Variants in DOCK3 observed in about 807,000 individuals in gnomAD.
The protein encoded by DOCK3 is dedicator of cytokinesis protein 3.
DOCK3 carries 60 observed loss-of-function variants against 265.6 expected under a neutral mutation model. That is an observed-to-expected ratio of 0.23 (90% CI 0.18 to 0.28). DOCK3 has a LOEUF of 0.28. DOCK3 is among the 10% of genes least tolerant of loss of function. The pLI, the probability that DOCK3 is intolerant of heterozygous loss-of-function variation, is 1.00. For synonymous variants in DOCK3, 881 were observed against 938.0 expected (o/e 0.94, Z 1.11); for missense variants, 1,981 against 2,594.3 (o/e 0.76, Z 5.14).
chr3:51,312,766 C>T, intron 30 of DOCK3, 78 bp from the exon 31 acceptor site: 1 of 1,454,410 alleles, frequency 6.9e-7, no homozygotes, highest in African/African-American at 1.4e-5. Flanking sequence ...GTGCTGAAGT[C>T]CTGGCCTCAT....
At chr3:50,681,715 C>G (rs1485202497) in intron 1 of DOCK3, among the ~76,000 whole-genome samples, 1 of 152,188 alleles carries the variant, frequency 6.6e-6, no homozygotes, top group East Asian at 1.9e-4. Flanking sequence ...TCAGAAGCTT[C>G]CCATTTTCCT....
Position 51,228,695 on chromosome 3 carries a change from T to G in DOCK3, c.1682T>G (p.Leu561Arg). The G allele has an allele frequency of 6.2e-7, 1 of 1,613,974 alleles. No homozygotes were observed. Among genetic ancestry groups the G allele is most frequent in the South Asian group, 1.1e-5 (1 of 91,066 alleles). Residue 561 changes from leucine (L) to arginine (R), a missense_variant, in exon 18 of 53, where the codon CTG becomes CGG. Transcript: ENST00000266037. ...AATAGCACGTTTAATAACCATGCTC[T>G]GTACCTGGGCCTGCCCTGCTGCAAA... ...DENSTFNNHA[L>R]YLGLPCCKED...
chr3:51,084,185 G>A (rs1560038421), intron 7 of DOCK3, among the ~76,000 whole-genome samples: 1 of 151,988 alleles, frequency 6.6e-6, no homozygotes, highest in Non-Finnish European at 1.5e-5. Flanking sequence ...GATAATAGCT[G>A]AAAACTTCAC....
At chr3:51,278,494 C>T (rs1412603368) in intron 26 of DOCK3, 46 of 985,248 alleles carry the variant, frequency 4.7e-5, no homozygotes, top group Non-Finnish European at 5.5e-5. Flanking sequence ...CAAGCTACAG[C>T]GTGCTAGGGA....
intron 32 of DOCK3, among the ~76,000 whole-genome samples, chr3:51,323,088 A>G (rs543561888): frequency 6.6e-6 from 1 of 152,348 alleles, no homozygotes; most frequent in Non-Finnish European, 1.5e-5. Flanking sequence ...CAATGCAACA[A>G]GAAGCACTAA....
intron 5 of DOCK3, among the ~76,000 whole-genome samples, chr3:51,042,824 G>A (rs1335368190): frequency 1.3e-5 from 2 of 152,138 alleles, no homozygotes; most frequent in East Asian, 3.9e-4. Context: ...GCCAAATCAT[G>A]AACAAACTCT....
At chr3:50,933,872 A>T in intron 4 of DOCK3, 109 bp from the exon 5 acceptor site, 2 of 643,504 alleles carry the variant, frequency 3.1e-6, no homozygotes, top group African/African-American at 1.8e-5. Flanking sequence ...CTTCTTTTTT[A>T]TTTGCATAAA....
At chr3:50,994,251 T>C (rs139007729) in intron 5 of DOCK3, among the ~76,000 whole-genome samples, 1 of 152,220 alleles carries the variant, frequency 6.6e-6, no homozygotes, top group South Asian at 2.1e-4. Context: ...GTCAAAATTA[T>C]AAAATATTTC....
chr3:51,267,110 A>T (rs192385041), intron 23 of DOCK3, among the ~76,000 whole-genome samples: 1 of 152,188 alleles, frequency 6.6e-6, no homozygotes, highest in African/African-American at 2.4e-5. Flanking sequence ...AATCAAAACC[A>T]CAATGAGATA....
chr3:51,290,234 A>G (rs1275026147), intron 27 of DOCK3, among the ~76,000 whole-genome samples: 3 of 152,218 alleles, frequency 2.0e-5, no homozygotes, highest in African/African-American at 7.2e-5. Context: ...GCACATGCAC[A>G]TGTATGTTTA....
At chr3:50,895,970 G>A (rs1221760940) in intron 4 of DOCK3, among the ~76,000 whole-genome samples, 1 of 152,126 alleles carries the variant, frequency 6.6e-6, no homozygotes, top group Non-Finnish European at 1.5e-5. Flanking sequence ...GAACAGTGCT[G>A]CAATAAACAT....
At chr3:50,685,633 G>A (rs1247998939) in intron 1 of DOCK3, 1 of 174,276 alleles carries the variant, frequency 5.7e-6, no homozygotes, top group Non-Finnish European at 1.3e-5. Flanking sequence ...GGCATGTTAA[G>A]TCACCACTCT....
intron 9 of DOCK3, among the ~76,000 whole-genome samples, chr3:51,092,968 T>G (rs1176241443): frequency 1.3e-5 from 2 of 152,208 alleles, no homozygotes; most frequent in Non-Finnish European, 2.9e-5. Flanking sequence ...GTGTTAAGTT[T>G]GTCAAAGATC....
chr3:51,222,940 T>A (rs1428456062), intron 14 of DOCK3, among the ~76,000 whole-genome samples: 1 of 152,174 alleles, frequency 6.6e-6, no homozygotes, highest in Non-Finnish European at 1.5e-5. Flanking sequence ...TTTATTTATC[T>A]GTTTATTTAT....
At chr3:50,683,524 G>C (rs998460024) in intron 1 of DOCK3, among the ~76,000 whole-genome samples, 1 of 152,164 alleles carries the variant, frequency 6.6e-6, no homozygotes, top group African/African-American at 2.4e-5. Context: ...TTTGAATGCA[G>C]ATTATCTGTA....
At chr3:51,262,390 C>G (rs972588281) in intron 23 of DOCK3, among the ~76,000 whole-genome samples, 1 of 152,152 alleles carries the variant, frequency 6.6e-6, no homozygotes, top group Non-Finnish European at 1.5e-5. Context: ...AAAGGACATC[C>G]ACACAGAAAC....
In DOCK3 at chr3:51,251,627, A is replaced by G. The variant is rs185433366; in HGVS notation, c.2184+4820A>G. ...TGCATTTCTCTAATGACCCGTGATG[A>G]TGAGCTTTTTTTCATATGTTGGTTG... On this transcript the variant is annotated intron_variant, in intron 22 of 52. Coordinates refer to ENST00000266037, the MANE Select transcript of DOCK3 (RefSeq NM_004947.5). Among the ~76,000 whole-genome samples the G allele has an allele frequency of 1.2e-3, 180 of 152,288 alleles. 1 individual carries two copies. Among genetic ancestry groups the G allele is most frequent in the African/African-American group, 4.1e-3 (171 of 41,560 alleles).
At chr3:51,160,842 C>T in intron 12 of DOCK3, 140 bp downstream of exon 12, 1 of 1,013,974 alleles carries the variant, frequency 9.9e-7, no homozygotes, top group Non-Finnish European at 1.4e-6. Flanking sequence ...TTTGGGAGGC[C>T]AAGGTGGGCA....
rs183777892 is a variant in DOCK3, at chr3:50,985,286, A to G, written c.315+51209A>G. Among the ~76,000 whole-genome samples the G allele has an allele frequency of 1.2e-4, 18 of 152,326 alleles. No individual in the cohort carries two copies. The East Asian group carries it at 3.5e-3, about 29-fold the overall frequency. On this transcript the variant is annotated intron_variant, in intron 5 of 52. Coordinates refer to ENST00000266037, the MANE Select transcript of DOCK3 (RefSeq NM_004947.5). The stretch of plus-strand genomic sequence containing the variant: ...TTACTATTAAAAGCCTACAGTGAAA[A>G]TGTGTATACAAATTTTCTGCTGTAT...
Sources: allele counts gnomAD v4.1 joint callset (sites outside exome capture counted in the v4.1 genomes callset), GRCh38; gene constraint gnomAD v4.1.1; transcripts MANE v1.5; gene names NCBI Gene and HGNC (gene_info 2026-07-23, HGNC 2026-07-21).